Variants in ZNF398 observed in about 807,000 individuals in gnomAD.
ZNF398 encodes the protein zinc finger DNA binding protein ZER6.
In ZNF398, 18 loss-of-function variants were observed where a neutral mutation model predicts 41.9. That is an observed-to-expected ratio of 0.43 (90% CI 0.30 to 0.64). ZNF398 has a LOEUF of 0.64. Ranked by LOEUF, ZNF398 falls within the 30% of genes least tolerant of loss-of-function variation. The pLI, the probability that ZNF398 is intolerant of heterozygous loss-of-function variation, is 0.14. For missense variants in ZNF398, 669 were observed against 822.8 expected (o/e 0.81, Z 2.29); for synonymous variants, 260 against 308.8 (o/e 0.84, Z 1.66).
intron 4 of ZNF398, among the ~76,000 whole-genome samples, chr7:149,172,004 G>A (rs1409009469): frequency 6.6e-6 from 1 of 152,098 alleles, no homozygotes; most frequent in Non-Finnish European, 1.5e-5. Context: ...ATTATGCAGT[G>A]CATGACTCCA....
At chr7:149,126,505 C>A (rs1054070445) in exon 1 of ZNF398, 12 of 509,642 alleles carry the variant, frequency 2.4e-5, no homozygotes, top group Non-Finnish European at 3.4e-5. Context: ...GATCTGCATG[C>A]GAGGGATGCG....
At position 149,183,021 on chromosome 7, in the gene ZNF398, T is replaced by C. The variant is rs1455773885; in HGVS notation, c.*3220T>C. ...TAACAGTCCACACAAGCCTCGTTGA[T>C]ATTAAAAAAAAAAAAAAAAAAGGAC... On this transcript the variant is annotated 3_prime_UTR_variant, in exon 6 of 6. Transcript: ENST00000475153. Among the ~76,000 whole-genome samples, 3 of 70,332 alleles carry C rather than the reference T, an allele frequency of 4.3e-5. No homozygotes were observed. The highest frequency in any genetic ancestry group is 5.6e-5 in the Non-Finnish European group (2 of 35,840). The allele number at this position is 70,332 out of a possible 152,430, so 46.1% of individuals were successfully genotyped here. A position where few individuals can be genotyped will look rare whatever the true frequency, so the allele number is the denominator to read the frequency against.
At position 149,176,866 on chromosome 7, in the gene ZNF398, C is replaced by A. The variant is rs115478123; in HGVS notation, c.775+285C>A. 8.8e-3 allele frequency among the ~76,000 whole-genome samples: 1,332 copies of A among 152,056 alleles called. 9 individuals carry two copies. Among genetic ancestry groups the A allele is most frequent in the African/African-American group, 0.015 (638 of 41,448 alleles). ...TATGGGGATGGGGAAAGACAGAAGA[C>A]GATTTGAAAATCATGTAGAAAGGGT... On this transcript the variant is annotated intron_variant, in intron 5 of 5. Coordinates refer to ENST00000475153, the MANE Select transcript of ZNF398 (RefSeq NM_170686.3).
upstream of ZNF398, among the ~76,000 whole-genome samples, chr7:149,146,776 G>T (rs1826952948): frequency 1.3e-5 from 2 of 151,872 alleles, no homozygotes; most frequent in African/African-American, 2.4e-5. Flanking sequence ...GTTGAACCCG[G>T]AAGGCGGTTG....
At chr7:149,149,518 C>T (rs1178370340) in intron 1 of ZNF398, among the ~76,000 whole-genome samples, 1 of 152,026 alleles carries the variant, frequency 6.6e-6, no homozygotes, top group South Asian at 2.1e-4. Flanking sequence ...CGTGAGCCAC[C>T]GCGCCCGGCC....
upstream of ZNF398, chr7:149,147,150 T>C (rs1826962960): frequency 6.6e-6 from 1 of 152,256 alleles, no homozygotes; most frequent in Non-Finnish European, 1.5e-5. This position sits in a 1 kb window ranked among gnomAD's most constrained non-coding sequence, Gnocchi z 5.6. Flanking sequence ...CAGCAGAAGC[T>C]GTTGCCTGCA....
chr7:149,156,504 C>CAAAA (rs1184656145), intron 2 of ZNF398, among the ~76,000 whole-genome samples: 4 of 36,460 alleles, frequency 1.1e-4, no homozygotes, highest in African/African-American at 9.0e-5. Context: ...GACTCCATCT[C>CAAAA]AAAAAAAAAA....
chr7:149,138,688 G>A (rs1260516336), intron 2 of ZNF398, among the ~76,000 whole-genome samples: 1 of 152,062 alleles, frequency 6.6e-6, no homozygotes, highest in Non-Finnish European at 1.5e-5. Context: ...TATAAAAGAA[G>A]CTCACAAAGA....
At chr7:149,168,805 T>G (rs1380202323) in intron 4 of ZNF398, among the ~76,000 whole-genome samples, 1 of 152,082 alleles carries the variant, frequency 6.6e-6, no homozygotes, top group East Asian at 1.9e-4. Flanking sequence ...TCCACCCGCC[T>G]TGGCTTCCCA....
rs1480127232 is a variant in ZNF398 at position 149,126,456 on chromosome 7, C to T, written c.-811C>T. The T allele has an allele frequency of 8.1e-6, 5 of 619,138 alleles. No homozygotes were observed. In the East Asian group the frequency reaches 9.9e-5, roughly 12 times the overall value. 38.4% of individuals were successfully genotyped at this position (619,138 alleles called of 1,614,324 possible). On this transcript the variant is annotated 5_prime_UTR_variant, in exon 1 of 7. Transcript: ENST00000426851. ...GGGGCCCGGGCACCCTCCGTGCGGG[C>T]CGCAGCACGCCGGTCTTTGAGGGAC...
intron 5 of ZNF398, among the ~76,000 whole-genome samples, chr7:149,177,225 T>G (rs1408408228): frequency 1.3e-5 from 2 of 152,022 alleles, no homozygotes; most frequent in African/African-American, 4.8e-5. Flanking sequence ...GGGACATACA[T>G]ATCAGTACTA....
intron 2 of ZNF398, among the ~76,000 whole-genome samples, chr7:149,161,688 G>T (rs889322872): frequency 2.0e-5 from 3 of 152,090 alleles, no homozygotes; most frequent in South Asian, 2.1e-4. Flanking sequence ...GTACTCAAGT[G>T]CCTATTAAAT....
intron 4 of ZNF398, among the ~76,000 whole-genome samples, chr7:149,167,634 C>CTTTTTTTTTTTT (rs1163487497): frequency 1.9e-4 from 26 of 133,948 alleles, no homozygotes; most frequent in Non-Finnish European, 2.8e-4. Flanking sequence ...TTTTTCTTTT[C>CTTTTTTTTTTTT]TTTTTTTTTT....
In ZNF398 at chr7:149,176,556, T is replaced by C; in HGVS notation, c.750T>C (p.Ser250=). 1 of 1,608,848 alleles carries C rather than the reference T, an allele frequency of 6.2e-7. No homozygotes were observed. The highest frequency in any genetic ancestry group is 1.1e-5 in the South Asian group (1 of 90,356). ...GGGCCCCACCGGAGTCCAAGGAGAG[T>C]GACGTGTACAAAAGCACTTATGCTG... is the stretch of plus-strand genomic sequence containing the variant. ...QVGAPPESKE[S]DVYKSTYADE... Residue 250 remains serine (S), a synonymous_variant, in exon 5 of 6, where the codon AGT becomes AGC. Transcript: ENST00000475153.
chr7:149,170,163 G>A (rs1317335074), intron 4 of ZNF398, among the ~76,000 whole-genome samples: 1 of 152,174 alleles, frequency 6.6e-6, no homozygotes, highest in Non-Finnish European at 1.5e-5. Context: ...CACACTGTTT[G>A]ACAAACACAA....
In ZNF398 at chr7:149,173,093, A is replaced by T. The variant is rs1200060191; in HGVS notation, c.662-3375A>T. ...GGTTGGGGTGGCTGTGGCAATTTCT[A>T]TTTTTTTTTTTTTTTTTTTTTTTTT... On this transcript the variant is annotated intron_variant, in intron 4 of 5. Coordinates refer to ENST00000475153, the MANE Select transcript of ZNF398 (RefSeq NM_170686.3). Among the ~76,000 whole-genome samples the T allele has an allele frequency of 7.6e-3, 495 of 64,714 alleles. 3 individuals carry two copies. The highest frequency in any genetic ancestry group is 0.015 in the African/African-American group (258 of 17,232). The allele number at this position is 64,714 out of a possible 152,430, so 42.5% of individuals were successfully genotyped here. A position where few individuals can be genotyped will look rare whatever the true frequency, so the allele number is the denominator to read the frequency against.
intron 1 of ZNF398, among the ~76,000 whole-genome samples, chr7:149,126,823 C>T (rs1253643932): frequency 6.6e-6 from 1 of 152,164 alleles, no homozygotes; most frequent in Non-Finnish European, 1.5e-5. Flanking sequence ...CCGTGTGGGC[C>T]CCGGGCATGT....
At chr7:149,173,391 G>A (rs1795392356) in intron 4 of ZNF398, among the ~76,000 whole-genome samples, 1 of 151,860 alleles carries the variant, frequency 6.6e-6, no homozygotes, top group South Asian at 2.1e-4. Context: ...ACAAGCGTGA[G>A]CCACCATGCC....
chr7:149,128,463 C>T (rs1826529787), intron 1 of ZNF398, among the ~76,000 whole-genome samples: 1 of 152,028 alleles, frequency 6.6e-6, no homozygotes, highest in Non-Finnish European at 1.5e-5. Flanking sequence ...GCTAGATTCT[C>T]TGGCCGGGCG....
Sources: allele counts gnomAD v4.1 joint callset (sites outside exome capture counted in the v4.1 genomes callset), GRCh38; gene constraint gnomAD v4.1.1; non-coding constraint Gnocchi (gnomAD v3.1); transcripts MANE v1.5; gene names NCBI Gene and HGNC (gene_info 2026-07-23, HGNC 2026-07-21).